The following AOX1 variants were observed in gnomAD, a reference collection of about 807,000 sequenced individuals.
The protein encoded by AOX1 is aldehyde oxidase.
Under a neutral mutation model 169.5 loss-of-function variants are expected in AOX1, and 153 were observed. The observed-to-expected ratio is 0.90, with a 90% CI of 0.79 to 1.03. The LOEUF (loss-of-function observed/expected upper bound fraction) is 1.03. Ranked by LOEUF, AOX1 falls within the 50% of genes least tolerant of loss-of-function variation. The probability of loss-of-function intolerance (pLI) is 0.00; values close to 1 mark genes in which losing one functional copy is unlikely to be tolerated. For missense variants in AOX1, 1,656 were observed against 1,663.9 expected (o/e 1.00, Z 0.08); for synonymous variants, 562 against 581.9 (o/e 0.97, Z 0.49).
downstream of AOX1, chr2:200,679,485 C>T (rs1252786025): frequency 2.0e-5 from 3 of 152,124 alleles, no homozygotes; most frequent in African/African-American, 4.8e-5. Context: ...TCTGGGTGAT[C>T]GCTTATGGTT....
intron 31 of AOX1, 39 bp from the exon 32 acceptor site, chr2:200,666,648 C>A: frequency 6.7e-7 from 1 of 1,483,052 alleles, no homozygotes; most frequent in Non-Finnish European, 9.2e-7. Context: ...CTAAGTTATT[C>A]TCATTAAAAT....
chr2:200,618,835 A>C (rs930735656), intron 16 of AOX1, among the ~76,000 whole-genome samples: 6 of 152,198 alleles, frequency 3.9e-5, no homozygotes, highest in African/African-American at 1.4e-4. Flanking sequence ...ATTAAATCCA[A>C]ATGTTCAGAA....
Position 200,658,808 on chromosome 2 carries a change from G to A in AOX1, c.3172-357G>A, listed in dbSNP as rs138006602. On this transcript the variant is annotated intron_variant, in intron 27 of 34. Coordinates refer to ENST00000374700, the MANE Select transcript of AOX1 (RefSeq NM_001159.4). ...ATAGACATCTCCTATCATTGATAAG[G>A]TTCTGCTAGAATTTTGCAGAGTGTG... Among the ~76,000 whole-genome samples the A allele has an allele frequency of 1.3e-3, 203 of 152,276 alleles. 2 individuals carry two copies. Among genetic ancestry groups the A allele is most frequent in the African/African-American group, 4.7e-3 (195 of 41,566 alleles).
chr2:200,659,346 C>T (rs998108737), intron 28 of AOX1, 53 bp downstream of exon 28: 48 of 1,575,596 alleles, frequency 3.0e-5, no homozygotes, highest in Non-Finnish European at 3.6e-5. Context: ...GGGCCAAATA[C>T]GTGGGTGGGT....
rs1309482334 is a variant in AOX1, at chr2:200,659,199, A to T, written c.3206A>T (p.Asn1069Ile). The change falls in exon 28 of 35, where the codon AAT (asparagine) becomes ATT (isoleucine). Residue 1069 changes from asparagine (N) to isoleucine (I), a missense_variant. Physicochemically the swap from Asn to Ile is moderately radical, Grantham distance 149. Coordinates refer to ENST00000374700, the MANE Select transcript of AOX1 (RefSeq NM_001159.4). The part of the protein sequence containing the change: ...VSRELRMPMS[N>I]VHLRGTSTET... Reference sequence around the variant, plus strand: ...CGTGAATTAAGAATGCCAATGTCGAATGTCCACCTGCGTGGAACAAGCACA... The same window carrying T: ...CGTGAATTAAGAATGCCAATGTCGATTGTCCACCTGCGTGGAACAAGCACA... 5.6e-6 allele frequency: 9 copies of T among 1,613,822 alleles called. No individual in the cohort carries two copies. The highest frequency in any genetic ancestry group is 1.3e-5 in the African/African-American group (1 of 74,926).
At chr2:200,678,066 G>A (rs1406409112), downstream of AOX1, among the ~76,000 whole-genome samples, 1 of 152,146 alleles carries the variant, frequency 6.6e-6, no homozygotes, top group African/African-American at 2.4e-5. Flanking sequence ...TGCTCCCAAA[G>A]TTTGGTTTTT....
Position 200,605,530 on chromosome 2 carries a change from C to A in AOX1, c.815-6C>A. On this transcript the variant is annotated splice_polypyrimidine_tract_variant and splice_region_variant and intron_variant, in intron 9 of 34. Coordinates refer to ENST00000374700, the MANE Select transcript of AOX1 (RefSeq NM_001159.4). ...TATTGATTTTTTTTTTTTTTTGATC[C>A]TTTAGGGCCTGAAGTGAAATTTAAA... 2 of 1,469,372 alleles carry A rather than the reference C, an allele frequency of 1.4e-6. No homozygotes were observed. Among genetic ancestry groups the A allele is most frequent in the Non-Finnish European group, 9.1e-7 (1 of 1,103,556 alleles). 91.0% of individuals were successfully genotyped at this position (1,469,372 alleles called of 1,614,324 possible).
In AOX1 at chr2:200,634,834, C is replaced by T. The variant is rs1360024060; in HGVS notation, c.2265C>T (p.Thr755=). Residue 755 remains threonine (T), a synonymous_variant, in exon 21 of 35, where the codon ACC becomes ACT. Coordinates refer to ENST00000374700, the MANE Select transcript of AOX1 (RefSeq NM_001159.4). ...GTCAAGAACATTTTTATATGGAAACCCAAAGCATGCTTGTCGTTCCCAAGG... is the reference window on the plus strand; with the variant it reads ...GTCAAGAACATTTTTATATGGAAACTCAAAGCATGCTTGTCGTTCCCAAGG... ...MGGQEHFYME[T]QSMLVVPKGE... is the part of the protein sequence containing the mutation. 2.5e-6 allele frequency: 4 copies of T among 1,613,828 alleles called. No homozygotes were observed. Among genetic ancestry groups the T allele is most frequent in the Admixed American group, 1.7e-5 (1 of 59,972 alleles).
At position 200,620,981 on chromosome 2, in the gene AOX1, G is replaced by A. The variant is rs144161631; in HGVS notation, c.1875-139G>A. The A allele has an allele frequency of 2.9e-3, 3,900 of 1,324,344 alleles. 9 individuals carry two copies. Among genetic ancestry groups the A allele is most frequent in the Non-Finnish European group, 3.4e-3 (3,296 of 967,652 alleles). 82.0% of individuals were successfully genotyped at this position (1,324,344 alleles called of 1,614,324 possible). A position where few individuals can be genotyped will look rare whatever the true frequency, so the allele number is the denominator to read the frequency against. Reference sequence around the variant, plus strand: ...GAAATGTAGGATTTACTACAACTTCGTTGTCCCAAGAATTTTTTCCCAATT... The same window carrying A: ...GAAATGTAGGATTTACTACAACTTCATTGTCCCAAGAATTTTTTCCCAATT... On this transcript the variant is annotated intron_variant, in intron 17 of 34. Coordinates refer to ENST00000374700, the MANE Select transcript of AOX1 (RefSeq NM_001159.4).
At chr2:200,608,911 T>C in intron 10 of AOX1, 73 bp from the exon 11 acceptor site, 4 of 1,367,850 alleles carry the variant, frequency 2.9e-6, no homozygotes, top group Non-Finnish European at 4.1e-6. Context: ...TCTATGTCTG[T>C]AGCTTTGGTC....
chr2:200,635,623 C>A (rs1018376864), intron 21 of AOX1, among the ~76,000 whole-genome samples: 3 of 151,916 alleles, frequency 2.0e-5, no homozygotes, highest in African/African-American at 7.3e-5. Context: ...CAAATGACAC[C>A]CATTCATTTA....
chr2:200,587,492 C>T (rs2034063466), intron 1 of AOX1, among the ~76,000 whole-genome samples: 1 of 152,156 alleles, frequency 6.6e-6, no homozygotes, highest in African/African-American at 2.4e-5. Context: ...GTTGTGAGGC[C>T]TGTTCTAAGA....
intron 9 of AOX1, 93 bp from the exon 10 acceptor site, chr2:200,605,443 A>T: frequency 2.0e-6 from 1 of 497,470 alleles, no homozygotes; most frequent in Non-Finnish European, 3.4e-6. Context: ...TTAGATATTT[A>T]AAGATATTAG....
At chr2:200,593,235 G>A (rs747790866) in intron 2 of AOX1, 32 bp downstream of exon 2, 1 of 1,555,374 alleles carries the variant, frequency 6.4e-7, no homozygotes, top group Admixed American at 1.7e-5. Context: ...CTGTGTATGT[G>A]TGTGTGTATT....
At chr2:200,656,079 G>A (rs1430461491) in intron 26 of AOX1, among the ~76,000 whole-genome samples, 3 of 152,188 alleles carry the variant, frequency 2.0e-5, no homozygotes, top group Admixed American at 6.5e-5. Flanking sequence ...ACACCCATGC[G>A]GTCAGCACTT....
chr2:200,647,882 A>C (rs1449955686), intron 25 of AOX1, among the ~76,000 whole-genome samples: 6 of 152,048 alleles, frequency 3.9e-5, no homozygotes, highest in Non-Finnish European at 8.8e-5. Flanking sequence ...TCTACTACTG[A>C]GACTTTCCAG....
At position 200,670,904 on chromosome 2, in the gene AOX1, G is replaced by C; in HGVS notation, c.*225G>C. On this transcript the variant is annotated 3_prime_UTR_variant, in exon 35 of 35. Transcript: ENST00000374700. Reference sequence around the variant, plus strand: ...TTTTCAATGTTATAAACACTAATTGGTTTCCTCTAGGGTGATATCCGTCAT... The same window carrying C: ...TTTTCAATGTTATAAACACTAATTGCTTTCCTCTAGGGTGATATCCGTCAT... The C allele has an allele frequency of 2.1e-6, 1 of 476,966 alleles. No homozygotes were observed. 29.5% of individuals were successfully genotyped at this position (476,966 alleles called of 1,614,324 possible). A position where few individuals can be genotyped will look rare whatever the true frequency, so the allele number is the denominator to read the frequency against.
intron 16 of AOX1, among the ~76,000 whole-genome samples, chr2:200,618,807 A>C (rs1417171589): frequency 6.6e-6 from 1 of 152,218 alleles, no homozygotes; most frequent in Non-Finnish European, 1.5e-5. Flanking sequence ...GGTCTCCTCC[A>C]TTTGTGGGAT....
rs541088921 is a variant in AOX1 at position 200,605,115 on chromosome 2, C to T, written c.814+275C>T. On this transcript the variant is annotated intron_variant, in intron 9 of 34. Coordinates refer to ENST00000374700, the MANE Select transcript of AOX1 (RefSeq NM_001159.4). ...AAACCAGCAGCAGGAGCTTCAGTGA[C>T]AGCTGTCCTGTCTTTCCTTTTGGGG... Among the ~76,000 whole-genome samples the T allele has an allele frequency of 2.6e-5, 4 of 152,188 alleles. No homozygotes were observed. In the East Asian group the frequency reaches 5.8e-4, roughly 22 times the overall value.
Sources: gnomAD v4.1 joint callset for allele counts (sites outside exome capture counted in the v4.1 genomes callset) on GRCh38, gnomAD v4.1.1 for gene constraint, MANE v1.5 for transcripts, NCBI Gene and HGNC (gene_info 2026-07-23, HGNC 2026-07-21) for gene names.